The following STK3 variants were observed in gnomAD, a reference collection of about 807,000 sequenced individuals.
STK3 encodes the protein serine/threonine kinase 3.
STK3 carries 41 observed loss-of-function variants against 58.0 expected under a neutral mutation model. The ratio of observed to expected loss-of-function variants is 0.71; its 90% CI spans 0.55 to 0.92. The LOEUF is 0.92. Ranked by LOEUF, STK3 falls within the 40% of genes least tolerant of loss-of-function variation. The probability of loss-of-function intolerance (pLI) is 0.00; values close to 1 mark genes in which losing one functional copy is unlikely to be tolerated. For missense variants in STK3, 479 were observed against 602.7 expected (o/e 0.79, Z 2.15); for synonymous variants, 170 against 191.0 (o/e 0.89, Z 0.91).
intron 6 of STK3, among the ~76,000 whole-genome samples, chr8:98,615,020 A>T (rs538113032): frequency 2.8e-4 from 43 of 152,240 alleles, no homozygotes; most frequent in African/African-American, 1.0e-3. Flanking sequence ...GCACAGACAA[A>T]CAAAAAGACA....
chr8:98,873,435 G>A (rs1837454450), intron 3 of STK3, among the ~76,000 whole-genome samples: 1 of 152,166 alleles, frequency 6.6e-6, no homozygotes, highest in African/African-American at 2.4e-5. Flanking sequence ...TGTTGACAGT[G>A]GGGTGTTAAA....
intron 6 of STK3, among the ~76,000 whole-genome samples, chr8:98,621,426 C>T (rs1436283899): frequency 3.3e-5 from 5 of 152,122 alleles, no homozygotes; most frequent in Non-Finnish European, 7.4e-5. Flanking sequence ...CTGGCAAGAA[C>T]TCCCAGTACT....
At chr8:98,839,810 T>C (rs944920154) in intron 3 of STK3, among the ~76,000 whole-genome samples, 4 of 152,184 alleles carry the variant, frequency 2.6e-5, no homozygotes, top group African/African-American at 9.7e-5. Flanking sequence ...ATTAGGAAAG[T>C]TATCTCAGGG....
chr8:98,715,486 C>G (rs1022092313), intron 4 of STK3, among the ~76,000 whole-genome samples: 104 of 152,032 alleles, frequency 6.8e-4, no homozygotes, highest in African/African-American at 2.4e-3. Context: ...TGAACAGACA[C>G]TTCTCAAAAG....
Position 98,548,177 on chromosome 8 carries a change from T to C in STK3, c.949-16A>G, listed in dbSNP as rs755604769. 1 of 1,489,764 alleles carries C rather than the reference T, an allele frequency of 6.7e-7. No individual in the cohort carries two copies. 92.3% of individuals were successfully genotyped at this position (1,489,764 alleles called of 1,614,324 possible). On this transcript the variant is annotated splice_polypyrimidine_tract_variant and intron_variant, in intron 8 of 10. Transcript: ENST00000419617. ...CATCTTCATCCTGCAAGCAAAATAC[T>C]GCAATGAGGGAAGACTTTTCTATGA...
At chr8:98,732,365 A>C (rs1828269895) in intron 4 of STK3, among the ~76,000 whole-genome samples, 1 of 152,166 alleles carries the variant, frequency 6.6e-6, no homozygotes, top group Admixed American at 6.5e-5. Context: ...AAAACTCCAG[A>C]AATTTCCAGA....
intron 1 of STK3, among the ~76,000 whole-genome samples, chr8:98,919,746 G>A (rs1441076054): frequency 6.6e-6 from 1 of 152,138 alleles, no homozygotes; most frequent in African/African-American, 2.4e-5. Flanking sequence ...TTATACTATT[G>A]GATTTACTTT....
chr8:98,468,333 T>A (rs1422176283), intron 10 of STK3, among the ~76,000 whole-genome samples: 1 of 152,242 alleles, frequency 6.6e-6, no homozygotes, highest in African/African-American at 2.4e-5. Flanking sequence ...GCATGGTTTG[T>A]GGCTGAAACA....
At chr8:98,792,543 A>G (rs75190424) in intron 1 of STK3, among the ~76,000 whole-genome samples, 1 of 152,168 alleles carries the variant, frequency 6.6e-6, no homozygotes. Context: ...CTAAAAAAAA[A>G]TACAAAATTA....
chr8:98,663,763 T>C (rs188811897), intron 6 of STK3, among the ~76,000 whole-genome samples: 6 of 152,158 alleles, frequency 3.9e-5, no homozygotes, highest in South Asian at 4.2e-4. Flanking sequence ...CAGCAAACTA[T>C]TGCAAGAAGA....
chr8:98,624,847 T>C (rs527275785), intron 6 of STK3, among the ~76,000 whole-genome samples: 1 of 151,344 alleles, frequency 6.6e-6, no homozygotes, highest in Non-Finnish European at 1.5e-5. Context: ...AGAGTGGAAC[T>C]CTGTCTCAAA....
At chr8:98,368,710 C>G (rs1817586431), downstream of STK3, among the ~76,000 whole-genome samples, 1 of 152,184 alleles carries the variant, frequency 6.6e-6, no homozygotes, top group Non-Finnish European at 1.5e-5. Context: ...AATTATCATG[C>G]TTGATTGTTT....
At chr8:98,588,071 T>C (rs1462787116) in intron 7 of STK3, among the ~76,000 whole-genome samples, 4 of 152,206 alleles carry the variant, frequency 2.6e-5, no homozygotes, top group Non-Finnish European at 5.9e-5. Context: ...GTCTGTGTGT[T>C]TTAATTGGAG....
chr8:98,462,727 T>C (rs1489291991), intron 10 of STK3, among the ~76,000 whole-genome samples: 1 of 152,212 alleles, frequency 6.6e-6, no homozygotes, highest in Non-Finnish European at 1.5e-5. Context: ...TGAATAGTTT[T>C]TCAAACTTCT....
chr8:98,854,509 T>C (rs532787034), intron 3 of STK3, among the ~76,000 whole-genome samples: 1 of 152,190 alleles, frequency 6.6e-6, no homozygotes, highest in Admixed American at 6.5e-5. Flanking sequence ...AAAATTACAG[T>C]TAACAAATGA....
intron 10 of STK3, among the ~76,000 whole-genome samples, chr8:98,506,280 C>G (rs1824068753): frequency 6.6e-6 from 1 of 152,180 alleles, no homozygotes. Context: ...GTGGAGGCAT[C>G]CCGTTTTTCC....
At position 98,622,101 on chromosome 8, in the gene STK3, TAAAAAAAAAAAA is replaced by T. The variant is rs35431395; in HGVS notation, c.685-25944_685-25933del. Among the ~76,000 whole-genome samples, 11 of 91,400 alleles carry T rather than the reference TAAAAAAAAAAAA, an allele frequency of 1.2e-4. No individual in the cohort carries two copies. In the South Asian group the frequency reaches 4.2e-3, roughly 35 times the overall value. The allele number at this position is 91,400 out of a possible 152,430, so 60.0% of individuals were successfully genotyped here. ...CAACATGGTAAAACCCTGTCTCTACTAAAAAAAAAAAAAAAAAAAAAAAATTAGCTGAGTGTG... is the reference window on the plus strand; with the variant it reads ...CAACATGGTAAAACCCTGTCTCTACTAAAAAAAAAAAATTAGCTGAGTGTG... On this transcript the variant is annotated intron_variant, in intron 6 of 10. Coordinates refer to ENST00000419617, the MANE Select transcript of STK3 (RefSeq NM_006281.4).
At chr8:98,448,121 A>G (rs1459632658) in intron 1 of STK3, among the ~76,000 whole-genome samples, 3 of 152,114 alleles carry the variant, frequency 2.0e-5, no homozygotes, top group Non-Finnish European at 2.9e-5. Context: ...TACTCTCAGA[A>G]TCAAAAAGCT....
intron 4 of STK3, among the ~76,000 whole-genome samples, chr8:98,748,306 A>G (rs1324429211): frequency 6.6e-6 from 1 of 152,170 alleles, no homozygotes; most frequent in East Asian, 1.9e-4. Flanking sequence ...TAGAAATTCT[A>G]AAATATATCA....
Sources: gnomAD v4.1 joint callset for allele counts (sites outside exome capture counted in the v4.1 genomes callset) on GRCh38, gnomAD v4.1.1 for gene constraint, MANE v1.5 for transcripts, NCBI Gene and HGNC (gene_info 2026-07-23, HGNC 2026-07-21) for gene names.